DYNC2I1: variants seen among roughly 807,000 people sequenced by gnomAD.
DYNC2I1 encodes the protein dynein 2 intermediate chain 1.
In DYNC2I1, 89 loss-of-function variants were observed where a neutral mutation model predicts 133.4. The ratio of observed to expected loss-of-function variants is 0.67; its 90% confidence interval spans 0.56 to 0.80. DYNC2I1 has a LOEUF of 0.80. Ranked by LOEUF, DYNC2I1 falls within the 30% of genes least tolerant of loss-of-function variation. DYNC2I1 has a pLI of 0.00. For missense variants in DYNC2I1, 1,291 were observed against 1,314.5 expected (o/e 0.98, Z 0.28); for synonymous variants, 504 against 484.3 (o/e 1.04, Z -0.54).
At chr7:158,864,120 T>A (rs912225186) in intron 1 of DYNC2I1, among the ~76,000 whole-genome samples, 2 of 25,806 alleles carry the variant, frequency 7.8e-5, no homozygotes, top group African/African-American at 1.1e-4. Context: ...GCTCCGGGTG[T>A]GGGGGGGGGA....
chr7:158,871,501 G>T lies in DYNC2I1; in HGVS notation c.429G>T (p.Leu143=), dbSNP rs1344854908. The stretch of plus-strand genomic sequence containing the variant: ...GGCAGACCGTGGCCCACCACAACCT[G>T]CTGGGCCAGGAGACACGCGACCGGC... ...ELRQTVAHHN[L]LGQETRDRQL... The change falls in exon 3 of 25, where the codon CTG becomes CTT. Residue 143 remains leucine (L), a synonymous_variant. Transcript: ENST00000407559. The T allele has an allele frequency of 6.5e-7, 1 of 1,547,304 alleles. No individual in the cohort carries two copies. Among genetic ancestry groups the T allele is most frequent in the South Asian group, 1.2e-5 (1 of 84,032 alleles).
intron 1 of DYNC2I1, among the ~76,000 whole-genome samples, chr7:158,861,469 T>A (rs1038765088): frequency 6.6e-6 from 1 of 152,206 alleles, no homozygotes; most frequent in African/African-American, 2.4e-5. Flanking sequence ...CTGCAGTTAC[T>A]GAATGAAATC....
chr7:158,856,572 G>A lies in DYNC2I1; in HGVS notation c.-164G>A. On this transcript the variant is annotated 5_prime_UTR_variant, in exon 1 of 25. Transcript: ENST00000407559. ...GCAGGCGCACTGGGAGAGGCCGCAG[G>A]GCACGCTGGGCAGTGCTTCTGGGCC... 2 of 674,880 alleles carry A rather than the reference G, an allele frequency of 3.0e-6. No individual in the cohort carries two copies. Among genetic ancestry groups the A allele is most frequent in the Non-Finnish European group, 4.2e-6 (2 of 481,012 alleles). The allele number at this position is 674,880 out of a possible 1,614,324, so 41.8% of individuals were successfully genotyped here. A position where few individuals can be genotyped will look rare whatever the true frequency, so the allele number is the denominator to read the frequency against.
the DYNC2I1 span, among the ~76,000 whole-genome samples, chr7:158,841,158 A>AATAT: frequency 9.0e-5 from 6 of 66,504 alleles, no homozygotes; most frequent in African/African-American, 1.6e-4. Context: ...TAGGTCTGCA[A>AATAT]ATATATATAT....
intron 5 of DYNC2I1, among the ~76,000 whole-genome samples, chr7:158,883,966 G>C (rs1182475280): frequency 3.4e-5 from 5 of 146,642 alleles, no homozygotes; most frequent in Non-Finnish European, 6.0e-5. Context: ...GCCCGGCCCA[G>C]TGACTTCTTT....
chr7:158,949,520 G>A (rs533274680), downstream of DYNC2I1, among the ~76,000 whole-genome samples: 2 of 152,340 alleles, frequency 1.3e-5, no homozygotes, highest in African/African-American at 2.4e-5. Flanking sequence ...TTGGCAGCCC[G>A]TCTGTTGAGG....
chr7:158,882,506 C>T (rs755786516), intron 5 of DYNC2I1, among the ~76,000 whole-genome samples: 8 of 151,846 alleles, frequency 5.3e-5, no homozygotes, highest in South Asian at 2.1e-4. Flanking sequence ...TCACTTGAGC[C>T]GAGGAGGTCA....
rs542119901 is a variant in DYNC2I1 at position 158,917,781 on chromosome 7, C to T, written c.1792-959C>T. Among the ~76,000 whole-genome samples, 66 of 152,260 alleles carry T rather than the reference C, an allele frequency of 4.3e-4. 6 individuals carry two copies. Among genetic ancestry groups the T allele is most frequent in the African/African-American group, 1.4e-3 (60 of 41,522 alleles). ...CCCGTTCCCATCCTGTCATTTCTCACTTCAAATCTCCTGCCTTCCACACTC... is the reference window on the plus strand; with the variant it reads ...CCCGTTCCCATCCTGTCATTTCTCATTTCAAATCTCCTGCCTTCCACACTC... On this transcript the variant is annotated intron_variant, in intron 14 of 24. Transcript: ENST00000407559.
intron 1 of DYNC2I1, among the ~76,000 whole-genome samples, chr7:158,858,025 C>T (rs956503587): frequency 6.6e-5 from 10 of 151,864 alleles, no homozygotes; most frequent in Non-Finnish European, 1.2e-4. Flanking sequence ...TCCTGACCTC[C>T]GGTGATCCGC....
chr7:158,846,689 C>T, the DYNC2I1 span, among the ~76,000 whole-genome samples: 1 of 152,152 alleles, frequency 6.6e-6, no homozygotes, highest in African/African-American at 2.4e-5. Flanking sequence ...TTTTTAAATT[C>T]TATAATCTGT....
chr7:158,955,205 ACT>A (rs1233660409), intron 4 of DYNC2I1, among the ~76,000 whole-genome samples: 3 of 152,072 alleles, frequency 2.0e-5, no homozygotes, highest in Non-Finnish European at 4.4e-5. Context: ...TTAACACTTT[ACT>A]CTCTGTTCAT....
intron 20 of DYNC2I1, among the ~76,000 whole-genome samples, 195 bp from the exon 21 acceptor site, chr7:158,930,260 T>C (rs1850085775): frequency 6.6e-6 from 1 of 152,186 alleles, no homozygotes; most frequent in African/African-American, 2.4e-5. Flanking sequence ...AACTGTGAAT[T>C]CTCGATTCTT....
intron 1 of DYNC2I1, among the ~76,000 whole-genome samples, chr7:158,858,991 CT>C (rs1338390323): frequency 1.1e-5 from 1 of 88,218 alleles, no homozygotes; most frequent in African/African-American, 4.5e-5. Context: ...CCCTCCCCCC[CT>C]TTCCTTTCCT....
chr7:158,952,195 G>A (rs930490442), intron 4 of DYNC2I1, among the ~76,000 whole-genome samples: 8 of 152,222 alleles, frequency 5.3e-5, no homozygotes, highest in East Asian at 1.9e-4. Context: ...TGTGGGATGC[G>A]CTAGAGTCAC....
chr7:158,841,212 TATA>T, the DYNC2I1 span, among the ~76,000 whole-genome samples: 146 of 80,194 alleles, frequency 1.8e-3, 1 homozygote, highest in Non-Finnish European at 2.3e-3. Context: ...TATATATATA[TATA>T]TATATATTTT....
chr7:158,881,921 A>G lies in DYNC2I1; in HGVS notation c.879+1932A>G, dbSNP rs561083288. 1.1e-3 allele frequency among the ~76,000 whole-genome samples: 165 copies of G among 152,338 alleles called. 2 individuals are homozygous for G. The highest frequency in any genetic ancestry group is 1.1e-3 in the Non-Finnish European group (76 of 68,034). On this transcript the variant is annotated intron_variant, in intron 5 of 24. Coordinates refer to ENST00000407559, the MANE Select transcript of DYNC2I1 (RefSeq NM_018051.5). ...TACTTGCCTTTTATTGAACTTGGCT[A>G]TTCTCCATTCCCTAGATCATGTTTA...
chr7:158,920,085 C>T (rs1260962978), intron 15 of DYNC2I1, among the ~76,000 whole-genome samples: 4 of 139,686 alleles, frequency 2.9e-5, no homozygotes, highest in African/African-American at 5.4e-5. Flanking sequence ...ATGGCAGCGC[C>T]GGGCCTCCGT....
rs922315357 is a variant in DYNC2I1 at position 158,871,253 on chromosome 7, G to A, written c.181G>A (p.Asp61Asn). Residue 61 changes from aspartate to asparagine, a missense_variant, in exon 3 of 25, where the codon GAC (aspartate) becomes AAC (asparagine). Transcript: ENST00000407559. ...TAAGGAGCCGAGGTGCAGGGATCCC[G>A]ACCAGGATGCCAGGAGCAGAGACAG... ...EHKEPRCRDPDQDARSRDRVA... is the reference protein window; with the variant it reads ...EHKEPRCRDPNQDARSRDRVA... 3 of 1,608,506 alleles carry A rather than the reference G, an allele frequency of 1.9e-6. No homozygotes were observed. The highest frequency in any genetic ancestry group is 2.5e-6 in the Non-Finnish European group (3 of 1,177,248).
intron 22 of DYNC2I1, 74 bp downstream of exon 22, chr7:158,934,302 T>G: frequency 6.5e-7 from 1 of 1,528,592 alleles, no homozygotes; most frequent in Non-Finnish European, 8.8e-7. Context: ...AATATCTTGA[T>G]TTAGGATTAA....
Sources: gnomAD v4.1 joint callset for allele counts (sites outside exome capture counted in the v4.1 genomes callset) on GRCh38, gnomAD v4.1.1 for gene constraint, MANE v1.5 for transcripts, NCBI Gene and HGNC (gene_info 2026-07-23, HGNC 2026-07-21) for gene names.